The following SCTR variants were observed in gnomAD, a reference collection of about 807,000 sequenced individuals.
SCTR encodes the protein pancreatic secretin receptor.
A neutral mutation model predicts 60.8 loss-of-function variants in SCTR; 56 were observed. That is an observed-to-expected ratio of 0.92 (90% CI 0.74 to 1.15). The LOEUF (loss-of-function observed/expected upper bound fraction) is 1.15. Ranked by LOEUF, SCTR falls within the 50% of genes most tolerant of loss-of-function variation. The pLI, the probability that SCTR is intolerant of heterozygous loss-of-function variation, is 0.00. For synonymous variants in SCTR, 202 were observed against 217.0 expected (o/e 0.93, Z 0.61); for missense variants, 562 against 550.4 (o/e 1.02, Z -0.21).
chr2:119,521,938 G>A (rs1418704643), intron 1 of SCTR, among the ~76,000 whole-genome samples: 1 of 152,106 alleles, frequency 6.6e-6, no homozygotes, highest in African/African-American at 2.4e-5. Flanking sequence ...AATAACCCAA[G>A]GACCACGACT....
At chr2:119,473,814 C>T (rs1035078070) in intron 3 of SCTR, among the ~76,000 whole-genome samples, 1 of 152,210 alleles carries the variant, frequency 6.6e-6, no homozygotes, top group East Asian at 1.9e-4. Context: ...CAGCCGGGTG[C>T]TGCTCCTGAT....
chr2:119,454,996 T>C (rs909827581), intron 7 of SCTR, among the ~76,000 whole-genome samples: 2 of 152,174 alleles, frequency 1.3e-5, no homozygotes, highest in African/African-American at 2.4e-5. Flanking sequence ...GTGTTGATTG[T>C]GGCTACTAGA....
At chr2:119,455,121 G>C (rs772737009) in intron 7 of SCTR, among the ~76,000 whole-genome samples, 1 of 152,014 alleles carries the variant, frequency 6.6e-6, no homozygotes, top group Non-Finnish European at 1.5e-5. Flanking sequence ...CCTGGTCCCC[G>C]GGCCGCTCAG....
intron 1 of SCTR, among the ~76,000 whole-genome samples, chr2:119,513,039 TC>T (rs1558882710): frequency 6.6e-6 from 1 of 152,158 alleles, no homozygotes; most frequent in Non-Finnish European, 1.5e-5. Flanking sequence ...CTAAACAGCT[TC>T]TTGCCTGGTG....
chr2:119,489,564 A>G (rs778638912), intron 2 of SCTR, among the ~76,000 whole-genome samples: 27 of 152,180 alleles, frequency 1.8e-4, no homozygotes, highest in Non-Finnish European at 3.4e-4. Flanking sequence ...GACGAGAGAG[A>G]AACAGTATCC....
Position 119,494,419 on chromosome 2 carries a change from G to A in SCTR, c.193+9C>T, listed in dbSNP as rs1678267757. On this transcript the variant is annotated intron_variant, in intron 2 of 12. Coordinates refer to ENST00000019103, the MANE Select transcript of SCTR (RefSeq NM_002980.3). ...CAAGAGAGGACATGGGCTGTGGCAA[G>A]CCTCATACCTGGCACTGGCTGCTCC... The A allele has an allele frequency of 6.2e-7, 1 of 1,613,206 alleles. No homozygotes were observed. The highest frequency in any genetic ancestry group is 8.5e-7 in the Non-Finnish European group (1 of 1,179,566).
At chr2:119,522,060 C>T (rs1028015465) in intron 1 of SCTR, among the ~76,000 whole-genome samples, 2 of 152,090 alleles carry the variant, frequency 1.3e-5, no homozygotes, top group Non-Finnish European at 2.9e-5. Context: ...TTTGGGAGGC[C>T]GAGGCAGGCA....
At chr2:119,519,529 C>T (rs974706465) in intron 1 of SCTR, among the ~76,000 whole-genome samples, 6 of 151,984 alleles carry the variant, frequency 3.9e-5, no homozygotes, top group African/African-American at 1.2e-4. Flanking sequence ...GGTTAAGAAG[C>T]TCTGCGGTGG....
intron 3 of SCTR, 34 bp from the exon 4 acceptor site, chr2:119,473,590 G>T: frequency 8.0e-7 from 1 of 1,245,272 alleles, no homozygotes; most frequent in Non-Finnish European, 1.2e-6. Context: ...GGTGAGCCAT[G>T]GGCCCAGGCA....
chr2:119,497,790 G>A (rs577764761), intron 1 of SCTR, among the ~76,000 whole-genome samples: 56 of 152,212 alleles, frequency 3.7e-4, no homozygotes, highest in African/African-American at 1.3e-3. Flanking sequence ...AAGAAGCAGT[G>A]ACCTAGAAGA....
intron 1 of SCTR, among the ~76,000 whole-genome samples, chr2:119,495,243 T>C (rs60033415): frequency 1.3e-3 from 202 of 152,356 alleles, no homozygotes; most frequent in African/African-American, 4.6e-3. Context: ...TGAGCCACTG[T>C]GTCCAGCCTG....
At chr2:119,448,574 G>A (rs1683020335) in intron 10 of SCTR, 115 bp downstream of exon 10, 4 of 672,368 alleles carry the variant, frequency 5.9e-6, no homozygotes, top group Non-Finnish European at 1.1e-5. Flanking sequence ...AACTTCTTAC[G>A]ACTAGGTCTA....
intron 7 of SCTR, among the ~76,000 whole-genome samples, chr2:119,458,429 G>A (rs546219958): frequency 3.1e-4 from 47 of 151,822 alleles, no homozygotes; most frequent in Non-Finnish European, 5.7e-4. Flanking sequence ...GTGAAACCCC[G>A]TCTCCACTAA....
chr2:119,497,071 T>C (rs1678377868), intron 1 of SCTR, among the ~76,000 whole-genome samples: 2 of 152,162 alleles, frequency 1.3e-5, no homozygotes, highest in South Asian at 2.1e-4. Context: ...AGTTCAGAAG[T>C]AACAAGGTCC....
At chr2:119,466,984 C>T (rs530720362) in intron 4 of SCTR, among the ~76,000 whole-genome samples, 48 of 152,292 alleles carry the variant, frequency 3.2e-4, no homozygotes, top group East Asian at 5.8e-4. Context: ...CTATACATTG[C>T]GCGCCTATGC....
intron 9 of SCTR, 89 bp downstream of exon 9, chr2:119,451,921 C>G (rs957814900): frequency 1.2e-6 from 1 of 802,820 alleles, no homozygotes; most frequent in African/African-American, 1.7e-5. Flanking sequence ...CTGCAGGGAG[C>G]CCTGTCCTTC....
intron 2 of SCTR, among the ~76,000 whole-genome samples, chr2:119,487,859 G>A (rs1677941210): frequency 6.6e-6 from 1 of 152,040 alleles, no homozygotes; most frequent in African/African-American, 2.4e-5. Flanking sequence ...CTACCCCAGG[G>A]AGCTTAACCA....
At position 119,490,276 on chromosome 2, in the gene SCTR, C is replaced by T. The variant is rs731777; in HGVS notation, c.193+4152G>A. On this transcript the variant is annotated intron_variant, in intron 2 of 12. Transcript: ENST00000019103. ...CTGTCCCTGTCCCTTGCGCAGTGGCCGAGTGCATGGGCTAAAGCACATTTG... is the reference window on the plus strand; with the variant it reads ...CTGTCCCTGTCCCTTGCGCAGTGGCTGAGTGCATGGGCTAAAGCACATTTG... Among the ~76,000 whole-genome samples the T allele has an allele frequency of 2.1e-3, 313 of 152,304 alleles. 1 individual carries two copies. Among genetic ancestry groups the T allele is most frequent in the African/African-American group, 7.0e-3 (292 of 41,562 alleles).
chr2:119,458,740 G>T (rs1020579092), intron 7 of SCTR, among the ~76,000 whole-genome samples: 1 of 152,138 alleles, frequency 6.6e-6, no homozygotes, highest in African/African-American at 2.4e-5. Flanking sequence ...GGTTTAAGTT[G>T]GTGGCTCAGT....
Sources: allele counts gnomAD v4.1 joint callset (sites outside exome capture counted in the v4.1 genomes callset), GRCh38; gene constraint gnomAD v4.1.1; transcripts MANE v1.5; gene names NCBI Gene and HGNC (gene_info 2026-07-23, HGNC 2026-07-21).